Variants in ULK4 observed in about 807,000 individuals in gnomAD.
ULK4 encodes unc-51 like kinase 4, also known as inactive serine/threonine-protein kinase ULK4.
In ULK4, 133 loss-of-function variants were observed where a neutral mutation model predicts 160.6. The ratio of observed to expected loss-of-function variants is 0.83; its 90% CI spans 0.72 to 0.96. The LOEUF (loss-of-function observed/expected upper bound fraction) is 0.96. Among genes scored for constraint, ULK4 ranks in the 40% least tolerant of loss-of-function variants. The pLI, the probability that ULK4 is intolerant of heterozygous loss-of-function variation, is 0.00. For synonymous variants in ULK4, 534 were observed against 539.8 expected, an observed-to-expected ratio of 0.99 and a Z score of 0.15; for missense variants, 1,580 against 1,499.5, an observed-to-expected ratio of 1.05 and a Z score of -0.89.
chr3:41,847,445 G>A (rs2042096635), intron 17 of ULK4, among the ~76,000 whole-genome samples: 1 of 152,200 alleles, frequency 6.6e-6, no homozygotes, highest in African/African-American at 2.4e-5. Flanking sequence ...TTCCTATTAT[G>A]GTCAGTGTTT....
intron 2 of ULK4, among the ~76,000 whole-genome samples, chr3:41,945,483 C>T (rs1435852794): frequency 1.3e-5 from 2 of 152,182 alleles, no homozygotes; most frequent in Non-Finnish European, 2.9e-5. Flanking sequence ...GCTCCCCTCT[C>T]TCACTGGATG....
At chr3:41,531,334 G>A (rs1208571855) in intron 32 of ULK4, among the ~76,000 whole-genome samples, 9 of 149,980 alleles carry the variant, frequency 6.0e-5, no homozygotes, top group African/African-American at 1.5e-4. Flanking sequence ...CCAGCTACCC[G>A]GGAAGCTGAG....
intron 32 of ULK4, among the ~76,000 whole-genome samples, chr3:41,474,939 T>TA (rs2084095023): frequency 6.6e-6 from 1 of 151,976 alleles, no homozygotes; most frequent in Non-Finnish European, 1.5e-5. Flanking sequence ...GAGGCTCCTT[T>TA]AAAAAATTAA....
chr3:41,960,210 C>T (rs535478159), intron 1 of ULK4, among the ~76,000 whole-genome samples: 18 of 152,214 alleles, frequency 1.2e-4, no homozygotes, highest in African/African-American at 3.9e-4. Flanking sequence ...TCTTTAGTCA[C>T]ATCTGACCAT....
chr3:41,271,922 T>A (rs986154905), intron 35 of ULK4, among the ~76,000 whole-genome samples: 1 of 152,148 alleles, frequency 6.6e-6, no homozygotes, highest in Non-Finnish European at 1.5e-5. Context: ...TTTACTTTTT[T>A]ATTTTACTTT....
chr3:41,623,038 C>T (rs1012837290), intron 30 of ULK4, among the ~76,000 whole-genome samples: 6 of 152,076 alleles, frequency 3.9e-5, no homozygotes, highest in South Asian at 2.1e-4. Flanking sequence ...TGCAGGTTAC[C>T]GCTTCAGTCC....
chr3:41,309,000 T>C (rs1244768567), intron 35 of ULK4, among the ~76,000 whole-genome samples: 1 of 152,216 alleles, frequency 6.6e-6, no homozygotes, highest in African/African-American at 2.4e-5. Context: ...TTCATAACTT[T>C]CATACTTTCT....
At chr3:41,913,978 C>T (rs906110322) in intron 8 of ULK4, among the ~76,000 whole-genome samples, 6 of 152,006 alleles carry the variant, frequency 3.9e-5, no homozygotes, top group South Asian at 4.2e-4. Context: ...GGGGGTGCGG[C>T]GGTGGGAGGA....
At chr3:41,858,155 T>G (rs1054470001) in intron 17 of ULK4, among the ~76,000 whole-genome samples, 128 of 142,842 alleles carry the variant, frequency 9.0e-4, no homozygotes, top group African/African-American at 2.7e-3. Flanking sequence ...TTGTTTTTTT[T>G]TTTTTTTTTT....
chr3:41,458,947 G>C lies in ULK4; in HGVS notation c.3394-3352C>G, dbSNP rs140031358. On this transcript the variant is annotated intron_variant, in intron 33 of 36. Transcript: ENST00000301831. ...ATTTTTATATTTTTAATAGAGACAG[G>C]GTTTCACCATGTTGGCCAGGCTGCT... Among the ~76,000 whole-genome samples the C allele has an allele frequency of 4.8e-3, 723 of 152,106 alleles. 2 individuals carry two copies. The highest frequency in any genetic ancestry group is 0.015 in the South Asian group (71 of 4,810).
intron 35 of ULK4, among the ~76,000 whole-genome samples, chr3:41,252,609 GAAA>G (rs35292590): frequency 1.1e-4 from 11 of 104,512 alleles, no homozygotes; most frequent in African/African-American, 2.0e-4. Context: ...AGCAGAGATT[GAAA>G]AAAAAAAAAA....
chr3:41,836,876 A>C (rs1323317762), intron 17 of ULK4, among the ~76,000 whole-genome samples: 1 of 152,176 alleles, frequency 6.6e-6, no homozygotes, highest in Non-Finnish European at 1.5e-5. Context: ...GGTTAATCAA[A>C]TCATAGTGCG....
intron 31 of ULK4, among the ~76,000 whole-genome samples, chr3:41,599,348 T>C (rs1488916200): frequency 3.3e-5 from 5 of 152,194 alleles, no homozygotes; most frequent in African/African-American, 9.6e-5. Flanking sequence ...GCTAATCTAA[T>C]GTTTAGGTAA....
intron 17 of ULK4, among the ~76,000 whole-genome samples, chr3:41,856,813 G>A (rs922623817): frequency 6.6e-6 from 1 of 151,536 alleles, no homozygotes; most frequent in Non-Finnish European, 1.5e-5. Flanking sequence ...GGCTATGGTG[G>A]GTAGACTGCT....
chr3:41,837,530 T>G (rs2041794242), intron 17 of ULK4, among the ~76,000 whole-genome samples: 1 of 152,124 alleles, frequency 6.6e-6, no homozygotes. Context: ...CATAATGCAT[T>G]TGAGATTCAT....
At chr3:41,834,719 A>G (rs2041702193) in intron 18 of ULK4, among the ~76,000 whole-genome samples, 1 of 152,238 alleles carries the variant, frequency 6.6e-6, no homozygotes, top group Non-Finnish European at 1.5e-5. Flanking sequence ...GTTATGTAAC[A>G]TTTGAGCAAG....
At chr3:41,940,672 T>C (rs947288678) in intron 2 of ULK4, among the ~76,000 whole-genome samples, 6 of 151,958 alleles carry the variant, frequency 3.9e-5, no homozygotes, top group African/African-American at 9.7e-5. Flanking sequence ...AAAATAAAAA[T>C]AGAAACATTC....
intron 22 of ULK4, among the ~76,000 whole-genome samples, chr3:41,729,296 C>G (rs1463115863): frequency 1.3e-5 from 2 of 152,200 alleles, no homozygotes; most frequent in Non-Finnish European, 2.9e-5. Context: ...GTCATGAAAA[C>G]CTGCAGTTTT....
chr3:41,845,480 T>C (rs1424462771), intron 17 of ULK4, among the ~76,000 whole-genome samples: 3 of 151,748 alleles, frequency 2.0e-5, no homozygotes, highest in Non-Finnish European at 2.9e-5. Context: ...ATGACAAAAA[T>C]ATATAAATGG....
Sources: gnomAD v4.1 joint callset for allele counts (sites outside exome capture counted in the v4.1 genomes callset) on GRCh38, gnomAD v4.1.1 for gene constraint, MANE v1.5 for transcripts, NCBI Gene and HGNC (gene_info 2026-07-23, HGNC 2026-07-21) for gene names.